The following IREB2 variants were observed in gnomAD, a reference collection of about 807,000 sequenced individuals.
IREB2 encodes the protein iron-responsive element-binding protein 2.
IREB2 carries 39 observed loss-of-function variants against 118.8 expected under a neutral mutation model. The observed-to-expected ratio is 0.33, with a 90% CI of 0.25 to 0.43. The LOEUF (loss-of-function observed/expected upper bound fraction) is 0.43, where lower values mean the gene tolerates loss of function less well. Ranked by LOEUF, IREB2 falls within the 20% of genes least tolerant of loss-of-function variation. The probability of loss-of-function intolerance (pLI) is 1.00; values close to 1 mark genes in which losing one functional copy is unlikely to be tolerated. For missense variants in IREB2, 900 were observed against 1,147.3 expected (o/e 0.78, Z 3.11); for synonymous variants, 372 against 392.2 (o/e 0.95, Z 0.61).
At chr15:78,480,192 T>C (rs2051542567) in intron 10 of IREB2, 1 of 152,192 alleles carries the variant, frequency 6.6e-6, no homozygotes, top group Non-Finnish European at 1.5e-5. Context: ...ATAGGACCCA[T>C]AGAAATTGAA....
rs1390949141 is a variant in IREB2, at chr15:78,493,821, A to G, written c.2325-88A>G. The G allele has an allele frequency of 6.2e-6, 8 of 1,290,564 alleles. No individual in the cohort carries two copies. The South Asian group carries it at 1.1e-4, about 18-fold the overall frequency. 79.9% of individuals were successfully genotyped at this position (1,290,564 alleles called of 1,614,324 possible). A position where few individuals can be genotyped will look rare whatever the true frequency, so the allele number is the denominator to read the frequency against. ...TTTGTGTTTGAAATTTTCTGTGATA[A>G]AAAAATTTTTCAATAGGTCTTACAG... is the stretch of plus-strand genomic sequence containing the variant. On this transcript the variant is annotated intron_variant, in intron 18 of 21. Coordinates refer to ENST00000258886, the MANE Select transcript of IREB2 (RefSeq NM_004136.4).
intron 13 of IREB2, among the ~76,000 whole-genome samples, chr15:78,486,474 G>A (rs1190104043): frequency 6.6e-6 from 1 of 152,130 alleles, no homozygotes; most frequent in African/African-American, 2.4e-5. Context: ...GCGTGGTGAC[G>A]CACACCCATA....
chr15:78,452,420 A>G (rs1003108602), intron 2 of IREB2, among the ~76,000 whole-genome samples: 1 of 152,212 alleles, frequency 6.6e-6, no homozygotes, highest in Non-Finnish European at 1.5e-5. Flanking sequence ...GGACTACAGA[A>G]AATATTTTGG....
chr15:78,494,662 C>G (rs1596017656), intron 20 of IREB2, among the ~76,000 whole-genome samples: 1 of 152,212 alleles, frequency 6.6e-6, no homozygotes, highest in Non-Finnish European at 1.5e-5. Flanking sequence ...CAGCCATGAC[C>G]TCCCAGGTGC....
chr15:78,438,399 C>T, intron 1 of IREB2, 43 bp downstream of exon 1: 1 of 1,584,782 alleles, frequency 6.3e-7, no homozygotes, highest in Non-Finnish European at 8.6e-7. Context: ...GTTGGAAACG[C>T]GCGCTGCCTA....
At chr15:78,461,047 A>C (rs1382320705) in intron 2 of IREB2, among the ~76,000 whole-genome samples, 2 of 152,204 alleles carry the variant, frequency 1.3e-5, no homozygotes, top group Non-Finnish European at 2.9e-5. Flanking sequence ...TTATTAGTTC[A>C]GAACCCCAAA....
chr15:78,441,816 A>G (rs965861006), intron 2 of IREB2, among the ~76,000 whole-genome samples: 2 of 152,238 alleles, frequency 1.3e-5, no homozygotes, highest in East Asian at 3.8e-4. Context: ...ATGTAATAAT[A>G]GAATACCTGT....
At chr15:78,443,033 G>A (rs187035682) in intron 2 of IREB2, among the ~76,000 whole-genome samples, 1 of 152,308 alleles carries the variant, frequency 6.6e-6, no homozygotes, top group Admixed American at 6.5e-5. Flanking sequence ...TGGGGGATAT[G>A]TTCCAAGACC....
chr15:78,472,017 C>A, intron 7 of IREB2, 93 bp downstream of exon 7: 1 of 902,472 alleles, frequency 1.1e-6, no homozygotes, highest in Non-Finnish European at 1.6e-6. Context: ...TGTATAGCCT[C>A]TTTGAGGCTC....
At chr15:78,493,034 G>A (rs1380758563) in intron 18 of IREB2, among the ~76,000 whole-genome samples, 1 of 152,070 alleles carries the variant, frequency 6.6e-6, no homozygotes, top group African/African-American at 2.4e-5. Flanking sequence ...AAGTACATAT[G>A]ACCTATGAAG....
intron 2 of IREB2, among the ~76,000 whole-genome samples, chr15:78,441,869 G>T (rs556299157): frequency 6.6e-6 from 1 of 151,988 alleles, no homozygotes; most frequent in Middle Eastern, 3.4e-3. Flanking sequence ...TTTTATGTGG[G>T]GTCAGTACCC....
intron 10 of IREB2, among the ~76,000 whole-genome samples, chr15:78,481,126 A>G (rs1366111627): frequency 1.3e-5 from 2 of 152,132 alleles, no homozygotes; most frequent in Non-Finnish European, 2.9e-5. Context: ...GACTAGCATC[A>G]TAAGCAAGGC....
At chr15:78,461,863 C>T (rs1196828843) in intron 2 of IREB2, among the ~76,000 whole-genome samples, 3 of 152,222 alleles carry the variant, frequency 2.0e-5, no homozygotes, top group Admixed American at 2.0e-4. Context: ...AATAGCAGCA[C>T]TAATGACTGA....
At chr15:78,474,806 A>C (rs910496607) in intron 8 of IREB2, 4 of 152,026 alleles carry the variant, frequency 2.6e-5, no homozygotes, top group Non-Finnish European at 2.9e-5. Flanking sequence ...CTGTAATCCC[A>C]GCACTTTGGG....
chr15:78,478,365 C>G lies in IREB2; in HGVS notation c.1264C>G (p.Gln422Glu). The G allele has an allele frequency of 6.2e-7, 1 of 1,610,538 alleles. No homozygotes were observed. Among genetic ancestry groups the G allele is most frequent in the South Asian group, 1.1e-5 (1 of 90,972 alleles). The change falls in exon 10 of 22, where the codon CAG becomes GAG. Residue 422 changes from glutamine (Q) to glutamate (E), a missense_variant. Transcript: ENST00000258886. ...AGCTGTGAAATTGTTTCGAAATGAC[C>G]AGAATTCTTCAGGAGAACCTGAATA... Reference protein sequence around the residue: ...LKAVKLFRNDQNSSGEPEYSQ... With the variant: ...LKAVKLFRNDENSSGEPEYSQ...
chr15:78,489,222 CAAA>C (rs5813920), intron 16 of IREB2, among the ~76,000 whole-genome samples: 7 of 120,768 alleles, frequency 5.8e-5, no homozygotes, highest in East Asian at 2.3e-4. Flanking sequence ...AACTCTGTCT[CAAA>C]AAAAAAAAAA....
intron 2 of IREB2, among the ~76,000 whole-genome samples, chr15:78,441,179 A>G (rs2050838560): frequency 1.3e-5 from 2 of 152,224 alleles, no homozygotes; most frequent in African/African-American, 4.8e-5. Context: ...TGTGAAATAC[A>G]GCTATTTTGG....
At chr15:78,473,482 T>C in intron 8 of IREB2, 101 bp downstream of exon 8, 2 of 871,448 alleles carry the variant, frequency 2.3e-6, no homozygotes, top group East Asian at 4.9e-5. Context: ...TACTGCATCC[T>C]CAGGTCTCTT....
chr15:78,456,271 T>G (rs183947000), intron 2 of IREB2, among the ~76,000 whole-genome samples: 137 of 152,370 alleles, frequency 9.0e-4, no homozygotes, highest in African/African-American at 3.1e-3. Flanking sequence ...TTTATTCATT[T>G]GCATCTTCCC....
Sources: allele counts gnomAD v4.1 joint callset (sites outside exome capture counted in the v4.1 genomes callset), GRCh38; gene constraint gnomAD v4.1.1; transcripts MANE v1.5; gene names NCBI Gene and HGNC (gene_info 2026-07-23, HGNC 2026-07-21).